IQCN: variants seen among roughly 807,000 people sequenced by gnomAD.
IQCN encodes the protein IQ domain-containing protein N.
A neutral mutation model predicts 64.4 loss-of-function variants in IQCN; 46 were observed. The observed-to-expected ratio is 0.71, with a 90% CI of 0.56 to 0.91. The LOEUF (loss-of-function observed/expected upper bound fraction) is 0.91. IQCN is among the 40% of genes least tolerant of loss of function. The pLI is 0.00. For synonymous variants in IQCN, 733 were observed against 775.6 expected, an observed-to-expected ratio of 0.95 and a Z score of 0.91; for missense variants, 1,753 against 1,857.4, an observed-to-expected ratio of 0.94 and a Z score of 1.03.
chr19:18,267,665 C>T, intron 2 of IQCN, 139 bp from the exon 3 acceptor site: 1 of 1,073,584 alleles, frequency 9.3e-7, no homozygotes, highest in African/African-American at 1.6e-5. Context: ...TTTTCCATCC[C>T]TCCCTCTCCC....
Position 18,257,441 on chromosome 19 carries a change from C to T in IQCN, c.3843G>A (p.Val1281=), listed in dbSNP as rs1969320188. Reference sequence around the variant, plus strand: ...CCAGCTGGTAGGCGGAGGCCCAAGACACTGCCCCGGGGCCCTCAGTGCCCT... The same window carrying T: ...CCAGCTGGTAGGCGGAGGCCCAAGATACTGCCCCGGGGCCCTCAGTGCCCT... ...MGQGTEGPGA[V]SWASAYQLAA... is the part of the protein sequence containing the mutation. The change falls in exon 4 of 4, where the codon GTG becomes GTA. Residue 1281 remains valine, a synonymous_variant. Coordinates refer to ENST00000392413, the MANE Select transcript of IQCN (RefSeq NM_001145304.2). 1 of 1,609,326 alleles carries T rather than the reference C, an allele frequency of 6.2e-7. No homozygotes were observed. Among genetic ancestry groups the T allele is most frequent in the Non-Finnish European group, 8.5e-7 (1 of 1,178,844 alleles).
chr19:18,259,423 G>T (rs866462303), intron 3 of IQCN: 18 of 152,412 alleles, frequency 1.2e-4, no homozygotes, highest in African/African-American at 3.6e-4. Context: ...CTAGCGGAGG[G>T]TCTTACAGAT....
chr19:18,267,620 C>A lies in IQCN; in HGVS notation c.14-94G>T. On this transcript the variant is annotated intron_variant, in intron 2 of 3. Coordinates refer to ENST00000392413, the MANE Select transcript of IQCN (RefSeq NM_001145304.2). ...GGACACTGGCCCCCCAGGCCCAGAT[C>A]TTGTTCCTGGCACGTTGCGATCTTC... 2.1e-6 allele frequency: 3 copies of A among 1,428,004 alleles called. No individual in the cohort carries two copies. The South Asian group carries it at 4.7e-5, about 22-fold the overall frequency. The allele number at this position is 1,428,004 out of a possible 1,614,324, so 88.5% of individuals were successfully genotyped here. A position where few individuals can be genotyped will look rare whatever the true frequency, so the allele number is the denominator to read the frequency against.
rs756270353 is a variant in IQCN, at chr19:18,269,459, T to C, written c.13+7A>G. The stretch of plus-strand genomic sequence containing the variant: ...CCAGACCCCTTGCCCATAGACCATC[T>C]TCTTACCTTGAAGGGTCATAGATTT... On this transcript the variant is annotated splice_region_variant and intron_variant, in intron 2 of 3. Transcript: ENST00000392413. 1.2e-6 allele frequency: 2 copies of C among 1,614,006 alleles called. No individual in the cohort carries two copies. The highest frequency in any genetic ancestry group is 2.2e-5 in the South Asian group (2 of 91,066).
In IQCN at chr19:18,257,202, T is replaced by G; in HGVS notation, c.4082A>C (p.His1361Pro). The G allele has an allele frequency of 6.2e-7, 1 of 1,613,386 alleles. No individual in the cohort carries two copies. Among genetic ancestry groups the G allele is most frequent in the Non-Finnish European group, 8.5e-7 (1 of 1,180,014 alleles). Residue 1361 changes from histidine to proline, a missense_variant, in exon 4 of 4, where the codon CAC (histidine) becomes CCC (proline). Coordinates refer to ENST00000392413, the MANE Select transcript of IQCN (RefSeq NM_001145304.2). The stretch of plus-strand genomic sequence containing the variant: ...GTCCTAGATGCCAGGCCAATGCATG[T>G]GCCGTGAGCTGGCCGAGGGGTCTGC... ...GPADPSASSR[H>P]MHWPGI
intron 3 of IQCN, chr19:18,259,602 A>G (rs1969384519): frequency 6.6e-6 from 1 of 152,276 alleles, no homozygotes; most frequent in African/African-American, 2.4e-5. Flanking sequence ...TCTACTGGCT[A>G]CAAAACCTCC....
At chr19:18,268,174 CTGTGTGTGTGTGTGTGTGTGTGTG>C (rs71336668) in intron 2 of IQCN, among the ~76,000 whole-genome samples, 2 of 134,400 alleles carry the variant, frequency 1.5e-5, no homozygotes, top group African/African-American at 2.8e-5. Context: ...CTGTTTGCCT[CTGTGTGTGTGTGTGTGTGTGTGTG>C]TGTGTGTGTG....
At chr19:18,268,647 G>C (rs1235932972) in intron 2 of IQCN, among the ~76,000 whole-genome samples, 9 of 151,986 alleles carry the variant, frequency 5.9e-5, no homozygotes, top group Admixed American at 2.0e-4. Context: ...GGCCAACATG[G>C]TGAAACCCGT....
chr19:18,266,876 G>GCT lies in IQCN; in HGVS notation c.662_663dup (p.Pro222SerfsTer31). 6.2e-7 allele frequency: 1 copy of GCT among 1,612,032 alleles called. No homozygotes were observed. The highest frequency in any genetic ancestry group is 8.5e-7 in the Non-Finnish European group (1 of 1,178,648). On this transcript the variant is annotated frameshift_variant, in exon 3 of 4. Transcript: ENST00000392413. LOFTEE classifies it high-confidence loss of function. The surrounding 1 kb of genome is among the most constrained non-coding windows in gnomAD (Gnocchi z 4.3). ...GCAGCATGAGGACCCTGCACACAGG[G>GCT]CTCTGGGGTACCCTGAGCTGCTGGG...
Position 18,265,450 on chromosome 19 carries a change from G to A in IQCN, c.2090C>T (p.Pro697Leu). The change falls in exon 3 of 4, where the codon CCC becomes CTC. Residue 697 changes from proline (P) to leucine (L), a missense_variant. Physicochemically the swap from Pro to Leu is moderately conservative, Grantham distance 98. Transcript: ENST00000392413. The surrounding 1 kb of genome is among the most constrained non-coding windows in gnomAD (Gnocchi z 4.7). ...GGATGGGGTCTTGGTCAGCTCAGTG[G>A]GCAGATGTCCCTGAGATGAGGCCTT... The part of the protein sequence containing the change: ...LTKASSQGHL[P>L]TELTKTPSLA... 6.2e-7 allele frequency: 1 copy of A among 1,614,010 alleles called. No individual in the cohort carries two copies. The highest frequency in any genetic ancestry group is 8.5e-7 in the Non-Finnish European group (1 of 1,179,896).
chr19:18,268,886 C>T (rs1163179462), intron 2 of IQCN, among the ~76,000 whole-genome samples: 1 of 148,270 alleles, frequency 6.7e-6, no homozygotes, highest in Non-Finnish European at 1.5e-5. Flanking sequence ...TGTTTGAACC[C>T]GGTAGGCAGA....
Position 18,266,396 on chromosome 19 carries a change from A to T in IQCN, c.1144T>A (p.Tyr382Asn), listed in dbSNP as rs1969584812. 6.3e-7 allele frequency: 1 copy of T among 1,596,690 alleles called. No individual in the cohort carries two copies. Among genetic ancestry groups the T allele is most frequent in the Non-Finnish European group, 8.5e-7 (1 of 1,172,590 alleles). Residue 382 changes from tyrosine (Y) to asparagine (N), a missense_variant, in exon 3 of 4, where the codon TAT becomes AAT. Transcript: ENST00000392413. This position sits in a 1 kb window ranked among gnomAD's most constrained non-coding sequence, Gnocchi z 4.3. ...VTIIKTPAQMYPGPTVTKTAP... is the reference protein window; with the variant it reads ...VTIIKTPAQMNPGPTVTKTAP... ...GTTTTGGTCACTGTGGGCCCCGGATACATCTGGGCTGGGGTCTTGATTATT... is the reference window on the plus strand; with the variant it reads ...GTTTTGGTCACTGTGGGCCCCGGATTCATCTGGGCTGGGGTCTTGATTATT...
Position 18,267,434 on chromosome 19 carries a change from G to C in IQCN, c.106C>G (p.Pro36Ala), listed in dbSNP as rs755534780. 6.4e-7 allele frequency: 1 copy of C among 1,560,082 alleles called. No homozygotes were observed. Among genetic ancestry groups the C allele is most frequent in the Admixed American group, 1.9e-5 (1 of 52,346 alleles). The change falls in exon 3 of 4, where the codon CCA becomes GCA. Residue 36 changes from proline to alanine, a missense_variant. Physicochemically the swap from Pro to Ala is conservative, Grantham distance 27 (BLOSUM62 -1). Transcript: ENST00000392413. ...AGGAGACTGGGGTGAGCGGGGGCTG[G>C]AGGATGCACCGCCCACTGGGTGACA... is the stretch of plus-strand genomic sequence containing the variant. ...PVVTQWAVHP[P>A]APAHPSLLDK...
At position 18,257,190 on chromosome 19, in the gene IQCN, G is replaced by C. The variant is rs758630917; in HGVS notation, c.4094C>G (p.Pro1365Arg). 7.4e-6 allele frequency: 12 copies of C among 1,612,950 alleles called. No homozygotes were observed. The Admixed American group carries it at 1.8e-4, about 25-fold the overall frequency. The change falls in exon 4 of 4, where the codon CCT (proline) becomes CGT (arginine). Residue 1365 changes from proline (P) to arginine (R), a missense_variant. Physicochemically the swap from Pro to Arg is moderately radical, Grantham distance 103. Transcript: ENST00000392413. ...PSASSRHMHW[P>R]GI ...CAGGGAGCCAGGGTCCTAGATGCCAGGCCAATGCATGTGCCGTGAGCTGGC... is the reference window on the plus strand; with the variant it reads ...CAGGGAGCCAGGGTCCTAGATGCCACGCCAATGCATGTGCCGTGAGCTGGC...
chr19:18,258,573 G>A (rs1969364922), intron 3 of IQCN: 1 of 374,488 alleles, frequency 2.7e-6, no homozygotes, highest in Admixed American at 3.4e-5. Context: ...GAAGGGACTG[G>A]ACAATGCCCT....
Position 18,264,958 on chromosome 19 carries a change from AT to A in IQCN, c.2581del (p.Met861CysfsTer13). 2 of 1,610,656 alleles carry A rather than the reference AT, an allele frequency of 1.2e-6. No individual in the cohort carries two copies. The highest frequency in any genetic ancestry group is 1.7e-6 in the Non-Finnish European group (2 of 1,180,004). On this transcript the variant is annotated frameshift_variant, in exon 3 of 4. Transcript: ENST00000392413. LOFTEE classifies it high-confidence loss of function. This position sits in a 1 kb window ranked among gnomAD's most constrained non-coding sequence, Gnocchi z 4.3. ...DNGATRAQPS[M>X]PGQAVPCQED... ...CTGGCAGGGCACCGCCTGGCCGGGC[AT>A]TGATGGCTGGGCACGTGTGGCTCCG...
At chr19:18,272,923 A>C (rs1041248575) in intron 1 of IQCN, among the ~76,000 whole-genome samples, 1 of 151,432 alleles carries the variant, frequency 6.6e-6, no homozygotes, top group Non-Finnish European at 1.5e-5. Context: ...CATTGTGCTC[A>C]CTTTAAACAA....
At position 18,265,342 on chromosome 19, in the gene IQCN, G is replaced by T. The variant is rs372896613; in HGVS notation, c.2198C>A (p.Ala733Glu). ...ATGAVKVQSQ[A>E]PLATCLTKTQ... Reference sequence around the variant, plus strand: ...CTTGGTCAGACAGGTGGCTAGAGGCGCTTGGGACTGGACCTTCACGGCACC... The same window carrying T: ...CTTGGTCAGACAGGTGGCTAGAGGCTCTTGGGACTGGACCTTCACGGCACC... Residue 733 changes from alanine to glutamate, a missense_variant, in exon 3 of 4, where the codon GCG (alanine) becomes GAG (glutamate). Physicochemically the swap from Ala to Glu is moderately radical, Grantham distance 107. Transcript: ENST00000392413. The surrounding 1 kb of genome is among the most constrained non-coding windows in gnomAD (Gnocchi z 4.7). 1.2e-6 allele frequency: 2 copies of T among 1,614,160 alleles called. No homozygotes were observed. Among genetic ancestry groups the T allele is most frequent in the South Asian group, 2.2e-5 (2 of 91,080 alleles).
Position 18,257,964 on chromosome 19 carries a change from T to C in IQCN, c.3320A>G (p.Gln1107Arg). ...GAGGATGCGGATCTCCTCTGCAGCCTGCATGGACACCATTGGCTCCCCGGA... is the reference window on the plus strand; with the variant it reads ...GAGGATGCGGATCTCCTCTGCAGCCCGCATGGACACCATTGGCTCCCCGGA... ...RRSGEPMVSM[Q>R]AAEEIRILAV... Residue 1107 changes from glutamine (Q) to arginine (R), a missense_variant, in exon 4 of 4, where the codon CAG becomes CGG. Coordinates refer to ENST00000392413, the MANE Select transcript of IQCN (RefSeq NM_001145304.2). 1 of 1,612,546 alleles carries C rather than the reference T, an allele frequency of 6.2e-7. No homozygotes were observed. Among genetic ancestry groups the C allele is most frequent in the Non-Finnish European group, 8.5e-7 (1 of 1,179,698 alleles).
Sources: allele counts gnomAD v4.1 joint callset (sites outside exome capture counted in the v4.1 genomes callset), GRCh38; gene constraint gnomAD v4.1.1; non-coding constraint Gnocchi (gnomAD v3.1); transcripts MANE v1.5; gene names NCBI Gene and HGNC (gene_info 2026-07-23, HGNC 2026-07-21).